Variants in UBE4B observed in about 807,000 individuals in gnomAD.
UBE4B encodes ubiquitin conjugation factor E4 B.
A neutral mutation model predicts 148.1 loss-of-function variants in UBE4B; 27 were observed. The observed-to-expected ratio is 0.18, with a 90% CI of 0.13 to 0.25. The LOEUF (loss-of-function observed/expected upper bound fraction) is 0.25, where lower values mean the gene tolerates loss of function less well. UBE4B is among the 10% of genes least tolerant of loss of function. UBE4B has a pLI of 1.00. For synonymous variants in UBE4B, 596 were observed against 619.3 expected, an observed-to-expected ratio of 0.96 and a Z score of 0.56; for missense variants, 1,170 against 1,662.4, an observed-to-expected ratio of 0.70 and a Z score of 5.15.
intron 1 of UBE4B, among the ~76,000 whole-genome samples, chr1:10,034,473 T>G (rs1352759259): frequency 6.9e-6 from 1 of 145,946 alleles, no homozygotes; most frequent in African/African-American, 2.7e-5. Flanking sequence ...TAAATTAGGT[T>G]GTTGTAAAAA....
At chr1:10,062,418 T>A (rs1220583222) in intron 1 of UBE4B, among the ~76,000 whole-genome samples, 1 of 152,092 alleles carries the variant, frequency 6.6e-6, no homozygotes, top group East Asian at 1.9e-4. Context: ...GTTTAAGGGA[T>A]TTTTCTTCCT....
At chr1:10,049,023 G>A (rs1034884675) in intron 1 of UBE4B, among the ~76,000 whole-genome samples, 3 of 152,136 alleles carry the variant, frequency 2.0e-5, no homozygotes, top group African/African-American at 7.2e-5. Context: ...ATCATTCCTA[G>A]CATGAGGTTT....
Position 10,166,882 on chromosome 1 carries a change from G to A in UBE4B, c.3199-1254G>A, listed in dbSNP as rs111557887. On this transcript the variant is annotated intron_variant, in intron 23 of 27. Transcript: ENST00000343090. ...AGAGATTGCAGTGAGCCAAGATCGC[G>A]CCACTGCACTCCAGCCTGGGCAACA... Among the ~76,000 whole-genome samples, 1,055 of 151,588 alleles carry A rather than the reference G, an allele frequency of 7.0e-3. 13 individuals are homozygous for A. Among genetic ancestry groups the A allele is most frequent in the African/African-American group, 0.024 (987 of 41,326 alleles).
chr1:10,130,906 C>T, intron 14 of UBE4B, 93 bp downstream of exon 14: 2 of 1,130,354 alleles, frequency 1.8e-6, no homozygotes, highest in Non-Finnish European at 2.6e-6. Context: ...GCCCAGTAGA[C>T]AAACGGCTAA....
chr1:10,137,548 C>T (rs1435406049), intron 17 of UBE4B, among the ~76,000 whole-genome samples: 4 of 152,164 alleles, frequency 2.6e-5, no homozygotes, highest in African/African-American at 7.2e-5. Flanking sequence ...AGACATACCC[C>T]TTCTTCCCTG....
intron 25 of UBE4B, among the ~76,000 whole-genome samples, chr1:10,174,600 G>A (rs1646388846): frequency 6.6e-6 from 1 of 151,642 alleles, no homozygotes; most frequent in South Asian, 2.1e-4. Flanking sequence ...TACTCGGGAG[G>A]CTGAGGCAGG....
Position 10,178,711 on chromosome 1 carries a change from C to T in UBE4B, c.3593C>T (p.Thr1198Ile), listed in dbSNP as rs758559091. The change falls in exon 26 of 28, where the codon ACA (threonine) becomes ATA (isoleucine). Residue 1198 changes from threonine to isoleucine, a missense_variant. Physicochemically the swap from Thr to Ile is moderately conservative, Grantham distance 89 (BLOSUM62 -1). Transcript: ENST00000343090. Reference protein sequence around the residue: ...SKMRKAGIKSTIAIEKFKLLA... With the variant: ...SKMRKAGIKSIIAIEKFKLLA... Reference sequence around the variant, plus strand: ...ATGCGGAAGGCAGGGATCAAATCCACAATAGCAATAGAAAAATTTAAGCTG... The same window carrying T: ...ATGCGGAAGGCAGGGATCAAATCCATAATAGCAATAGAAAAATTTAAGCTG... The T allele has an allele frequency of 1.9e-6, 3 of 1,613,676 alleles. No homozygotes were observed. The South Asian group carries it at 3.3e-5, about 18-fold the overall frequency.
chr1:10,060,487 C>T (rs1644263341), intron 1 of UBE4B, among the ~76,000 whole-genome samples: 1 of 152,118 alleles, frequency 6.6e-6, no homozygotes. Context: ...ACTGAAATGT[C>T]GTTATGCAGC....
intron 25 of UBE4B, among the ~76,000 whole-genome samples, chr1:10,174,163 A>G (rs1057490864): frequency 9.2e-5 from 14 of 152,128 alleles, no homozygotes; most frequent in Admixed American, 3.3e-4. Flanking sequence ...TGGGAGGCCA[A>G]GGTGGGTGGA....
At chr1:10,037,839 A>G (rs975540442) in intron 1 of UBE4B, among the ~76,000 whole-genome samples, 3 of 152,060 alleles carry the variant, frequency 2.0e-5, no homozygotes, top group East Asian at 1.9e-4. Flanking sequence ...TACAGGCATG[A>G]GCCACCATGC....
At chr1:10,103,626 G>GTTT (rs1279924321) in intron 5 of UBE4B, among the ~76,000 whole-genome samples, 15 of 117,114 alleles carry the variant, frequency 1.3e-4, no homozygotes, top group Non-Finnish European at 1.7e-4. Flanking sequence ...TGTTTGTTTT[G>GTTT]TTTTTGTTTT....
At chr1:10,122,860 G>A (rs890947570) in intron 10 of UBE4B, among the ~76,000 whole-genome samples, 2 of 152,108 alleles carry the variant, frequency 1.3e-5, no homozygotes, top group Non-Finnish European at 2.9e-5. Flanking sequence ...GCTATAATTG[G>A]TATGATTCCT....
At chr1:10,040,133 T>C (rs1029009574) in intron 1 of UBE4B, among the ~76,000 whole-genome samples, 1 of 151,846 alleles carries the variant, frequency 6.6e-6, no homozygotes, top group Non-Finnish European at 1.5e-5. Context: ...TTTTTTTTTT[T>C]TCGTCTTTTG....
chr1:10,121,433 C>T (rs1046583875), intron 9 of UBE4B, among the ~76,000 whole-genome samples: 1 of 152,068 alleles, frequency 6.6e-6, no homozygotes, highest in Non-Finnish European at 1.5e-5. Context: ...TTTTAAGAGA[C>T]AGAATCTCAC....
chr1:10,144,732 T>C (rs1197006376), intron 17 of UBE4B, among the ~76,000 whole-genome samples: 2 of 103,690 alleles, frequency 1.9e-5, no homozygotes, highest in East Asian at 4.1e-4. Flanking sequence ...AGACTCTGTC[T>C]TAAAAAAAAA....
chr1:10,149,758 T>C (rs186504798), intron 20 of UBE4B, among the ~76,000 whole-genome samples: 67 of 152,340 alleles, frequency 4.4e-4, no homozygotes, highest in Middle Eastern at 6.8e-3. Flanking sequence ...TAACATTTTA[T>C]TTCTAAAACA....
intron 7 of UBE4B, among the ~76,000 whole-genome samples, chr1:10,111,107 A>C (rs1310164463): frequency 2.1e-5 from 3 of 144,046 alleles, no homozygotes; most frequent in African/African-American, 5.3e-5. Context: ...TTTCCACCAT[A>C]TCTATCCCTA....
chr1:10,118,097 G>T (rs1044601642), intron 8 of UBE4B, among the ~76,000 whole-genome samples: 1 of 152,160 alleles, frequency 6.6e-6, no homozygotes, highest in South Asian at 2.1e-4. Flanking sequence ...CCAGAATCAC[G>T]TAAATAATAA....
intron 7 of UBE4B, among the ~76,000 whole-genome samples, chr1:10,108,439 GA>G (rs1480678772): frequency 6.6e-6 from 1 of 152,186 alleles, no homozygotes; most frequent in Non-Finnish European, 1.5e-5. Context: ...GAAACCGAGT[GA>G]AAAGCACTAC....
Sources: allele counts gnomAD v4.1 joint callset (sites outside exome capture counted in the v4.1 genomes callset), GRCh38; gene constraint gnomAD v4.1.1; transcripts MANE v1.5; gene names NCBI Gene and HGNC (gene_info 2026-07-23, HGNC 2026-07-21).